SHROOM3: variants seen among roughly 807,000 people sequenced by gnomAD.
The protein encoded by SHROOM3 is shroom family member 3, also known as protein Shroom3.
A neutral mutation model predicts 138.6 loss-of-function variants in SHROOM3; 47 were observed. The observed-to-expected ratio is 0.34, with a 90% CI of 0.27 to 0.43. The LOEUF (loss-of-function observed/expected upper bound fraction) is 0.43. Ranked by LOEUF, SHROOM3 falls within the 20% of genes least tolerant of loss-of-function variation. The probability of loss-of-function intolerance (pLI) is 1.00; values close to 1 mark genes in which losing one functional copy is unlikely to be tolerated. For synonymous variants in SHROOM3, 1,062 were observed against 1,063.3 expected, an observed-to-expected ratio of 1.00 and a Z score of 0.02; for missense variants, 2,491 against 2,596.5, an observed-to-expected ratio of 0.96 and a Z score of 0.88.
chr4:76,453,247 T>A (rs1183642886), intron 1 of SHROOM3, among the ~76,000 whole-genome samples: 1 of 152,064 alleles, frequency 6.6e-6, no homozygotes, highest in Non-Finnish European at 1.5e-5. Context: ...AAACGCTTGA[T>A]ATTTTCTATC....
At chr4:76,769,687 T>C (rs1359616834) in intron 9 of SHROOM3, among the ~76,000 whole-genome samples, 2 of 152,228 alleles carry the variant, frequency 1.3e-5, no homozygotes, top group Non-Finnish European at 2.9e-5. Flanking sequence ...TGTACAAGGG[T>C]GGCCCCTAAA....
intron 1 of SHROOM3, among the ~76,000 whole-genome samples, chr4:76,474,727 C>T (rs1263527432): frequency 6.6e-6 from 1 of 151,832 alleles, no homozygotes; most frequent in African/African-American, 2.4e-5. Context: ...CCAGTCTGGT[C>T]AACATGGTAA....
chr4:76,517,490 T>C (rs565718810), intron 1 of SHROOM3, among the ~76,000 whole-genome samples: 2 of 152,268 alleles, frequency 1.3e-5, no homozygotes, highest in South Asian at 4.1e-4. Flanking sequence ...ACAGAATTCT[T>C]GCTTGGTTAA....
chr4:76,592,750 T>C (rs1211801683), intron 2 of SHROOM3, among the ~76,000 whole-genome samples: 1 of 152,214 alleles, frequency 6.6e-6, no homozygotes, highest in Non-Finnish European at 1.5e-5. Context: ...TCTTATTGAA[T>C]TCCACTGAAT....
chr4:76,719,043 CT>C lies in SHROOM3; in HGVS notation c.455+8757del, dbSNP rs1380604294. On this transcript the variant is annotated intron_variant, in intron 3 of 10. Transcript: ENST00000296043. ...GAGGGGAGAAGCTCTACACCTTTTA[CT>C]ACACCCTGCTGAGCTGCTCCTCATT... Among the ~76,000 whole-genome samples the C allele has an allele frequency of 2.0e-5, 3 of 152,162 alleles. No homozygotes were observed. The East Asian group carries it at 5.8e-4, about 29-fold the overall frequency.
At position 76,754,362 on chromosome 4, in the gene SHROOM3, C is replaced by T. The variant is rs1349966705; in HGVS notation, c.3879C>T (p.His1293=). The T allele has an allele frequency of 6.2e-7, 1 of 1,614,186 alleles. No homozygotes were observed. The highest frequency in any genetic ancestry group is 8.5e-7 in the Non-Finnish European group (1 of 1,180,030). The change falls in exon 7 of 11, where the codon CAC becomes CAT. Residue 1293 remains histidine (H), a synonymous_variant. Coordinates refer to ENST00000296043, the MANE Select transcript of SHROOM3 (RefSeq NM_020859.4). ...AAGAAGAGATGCTGCCGCTCTTCCACCATCTCACCCCTCGTTGGGGTGGTT... is the reference window on the plus strand; with the variant it reads ...AAGAAGAGATGCTGCCGCTCTTCCATCATCTCACCCCTCGTTGGGGTGGTT... ...RGQEEMLPLF[H]HLTPRWGGSG...
intron 1 of SHROOM3, among the ~76,000 whole-genome samples, chr4:76,459,436 C>T (rs1188973693): frequency 6.6e-6 from 1 of 152,130 alleles, no homozygotes; most frequent in African/African-American, 2.4e-5. Context: ...AGGATTCTTC[C>T]GCTTGCCAAA....
chr4:76,561,308 C>T (rs555104424), intron 2 of SHROOM3, among the ~76,000 whole-genome samples: 10 of 152,166 alleles, frequency 6.6e-5, no homozygotes, highest in Admixed American at 6.5e-4. Flanking sequence ...AGTGGTAGAT[C>T]ACATTTTGCT....
chr4:76,659,782 A>G (rs911930546), intron 2 of SHROOM3, among the ~76,000 whole-genome samples: 5 of 152,126 alleles, frequency 3.3e-5, no homozygotes, highest in Non-Finnish European at 7.3e-5. Context: ...GGGTTTTGCC[A>G]TGTTGGCCAA....
chr4:76,502,972 A>ATGCT (rs1732131430), intron 1 of SHROOM3, among the ~76,000 whole-genome samples: 1 of 152,060 alleles, frequency 6.6e-6, no homozygotes, highest in Non-Finnish European at 1.5e-5. Flanking sequence ...GTTTTCTTGT[A>ATGCT]TGCTATGTTC....
intron 2 of SHROOM3, among the ~76,000 whole-genome samples, chr4:76,571,454 AGT>A (rs1733831082): frequency 6.6e-6 from 1 of 152,222 alleles, no homozygotes; most frequent in Admixed American, 6.5e-5. Context: ...TTTTCCCAGC[AGT>A]GTTGATTCAC....
At chr4:76,447,338 C>T (rs987099283) in intron 1 of SHROOM3, among the ~76,000 whole-genome samples, 1 of 152,168 alleles carries the variant, frequency 6.6e-6, no homozygotes, top group Admixed American at 6.5e-5. Flanking sequence ...AATCAATTGC[C>T]TTTCTCTTTT....
At chr4:76,631,633 TAGC>T (rs1455097696) in intron 2 of SHROOM3, among the ~76,000 whole-genome samples, 1 of 152,148 alleles carries the variant, frequency 6.6e-6, no homozygotes, top group Non-Finnish European at 1.5e-5. Context: ...GGAACAATCT[TAGC>T]AGTATGACAG....
At chr4:76,619,407 G>A (rs1352795366) in intron 2 of SHROOM3, among the ~76,000 whole-genome samples, 1 of 152,080 alleles carries the variant, frequency 6.6e-6, no homozygotes, top group Admixed American at 6.5e-5. Flanking sequence ...ATCCAGTCTT[G>A]GGAGAGCAGC....
chr4:76,480,404 A>G (rs1731582410), intron 1 of SHROOM3, among the ~76,000 whole-genome samples: 1 of 152,218 alleles, frequency 6.6e-6, no homozygotes, highest in South Asian at 2.1e-4. Flanking sequence ...GCATTACATA[A>G]TGGTAAAGGG....
rs149729994 is a variant in SHROOM3 at position 76,515,813 on chromosome 4, G to A, written c.169-39796G>A. The stretch of plus-strand genomic sequence containing the variant: ...AAAGTCATGTTGAGAAGTCATGTAG[G>A]TGGTCTTTCTTCTAAGCTAGGACAG... On this transcript the variant is annotated intron_variant, in intron 1 of 10. Transcript: ENST00000296043. Among the ~76,000 whole-genome samples, 538 of 152,244 alleles carry A rather than the reference G, an allele frequency of 3.5e-3. 2 individuals are homozygous for A. The highest frequency in any genetic ancestry group is 0.013 in the African/African-American group (520 of 41,546).
chr4:76,692,044 C>G (rs1719567934), intron 2 of SHROOM3, among the ~76,000 whole-genome samples: 1 of 152,172 alleles, frequency 6.6e-6, no homozygotes, highest in East Asian at 1.9e-4. Flanking sequence ...CCTTCCTCCC[C>G]TTCTGTAGTA....
chr4:76,740,540 G>C lies in SHROOM3; in HGVS notation c.2367G>C (p.Glu789Asp). 6.2e-7 allele frequency: 1 copy of C among 1,614,134 alleles called. No homozygotes were observed. Among genetic ancestry groups the C allele is most frequent in the African/African-American group, 1.3e-5 (1 of 75,076 alleles). Residue 789 changes from glutamate to aspartate, a missense_variant, in exon 5 of 11, where the codon GAG becomes GAC. Physicochemically the swap from Glu to Asp is conservative, Grantham distance 45. Around this residue, in one of 4 missense-constraint regions of SHROOM3, gnomAD observed 1,733 missense variants for 1,661.6 expected, o/e 1.04. Transcript: ENST00000296043. The surrounding 1 kb of genome is among the most constrained non-coding windows in gnomAD (Gnocchi z 4.0). ...CSVLEKVSKFEQREQGSQRPS... is the reference protein window; with the variant it reads ...CSVLEKVSKFDQREQGSQRPS... ...TGCTGGAGAAGGTCTCCAAATTCGAGCAGCGAGAGCAAGGGAGCCAGAGAC... is the reference window on the plus strand; with the variant it reads ...TGCTGGAGAAGGTCTCCAAATTCGACCAGCGAGAGCAAGGGAGCCAGAGAC...
At chr4:76,693,371 T>TTTTTTTTTTG (rs2110109065) in intron 2 of SHROOM3, among the ~76,000 whole-genome samples, 1 of 68,014 alleles carries the variant, frequency 1.5e-5, no homozygotes, top group Admixed American at 1.5e-4. Context: ...GATAAGTTTG[T>TTTTTTTTTTG]TTTTTTTTTT....
Sources: allele counts gnomAD v4.1 joint callset (sites outside exome capture counted in the v4.1 genomes callset), GRCh38; gene constraint gnomAD v4.1.1; regional missense constraint gnomAD v4.1.1; non-coding constraint Gnocchi (gnomAD v3.1); transcripts MANE v1.5; gene names NCBI Gene and HGNC (gene_info 2026-07-23, HGNC 2026-07-21).